The following KCNH1 variants were observed in gnomAD, a reference collection of about 807,000 sequenced individuals.
KCNH1 encodes the protein potassium voltage-gated channel subfamily H member 1.
In KCNH1, 27 loss-of-function variants were observed where a neutral mutation model predicts 69.2. That is an observed-to-expected ratio of 0.39 (90% confidence interval 0.29 to 0.54). The LOEUF (loss-of-function observed/expected upper bound fraction) is 0.54, where lower values mean the gene tolerates loss of function less well. KCNH1 is among the 20% of genes least tolerant of loss of function. The pLI, the probability that KCNH1 is intolerant of heterozygous loss-of-function variation, is 0.68. For missense variants in KCNH1, 798 were observed against 1,261.6 expected (o/e 0.63, Z 5.57); for synonymous variants, 456 against 487.7 (o/e 0.93, Z 0.86).
At chr1:210,921,812 C>T (rs1687464751) in intron 6 of KCNH1, among the ~76,000 whole-genome samples, 1 of 152,158 alleles carries the variant, frequency 6.6e-6, no homozygotes, top group Non-Finnish European at 1.5e-5. Flanking sequence ...CCCGGAAGGA[C>T]TATGTGGAAC....
At chr1:210,933,442 A>G (rs1687717170) in intron 6 of KCNH1, among the ~76,000 whole-genome samples, 2 of 152,136 alleles carry the variant, frequency 1.3e-5, no homozygotes, top group Admixed American at 1.3e-4. Context: ...GCAGCACACC[A>G]GCATGGCACA....
intron 10 of KCNH1, among the ~76,000 whole-genome samples, chr1:210,692,743 G>A (rs61829465): frequency 0.048 from 7,239 of 152,160 alleles, 255 homozygotes; most frequent in Non-Finnish European, 0.073. Context: ...ACAAGCCAAG[G>A]AATGCCAAGG....
chr1:210,804,093 G>A lies in KCNH1; in HGVS notation c.1536C>T (p.Tyr512=), dbSNP rs771173680. The part of the protein sequence containing the change: ...FQQMYANTNR[Y]HEMLNSVRDF... ...CCCGAACACTGTTGAGCATCTCATG[G>A]TATCTGTTGGTGTTGGCATACATCT... Residue 512 remains tyrosine (Y), a synonymous_variant, in exon 8 of 11, where the codon TAC becomes TAT. Transcript: ENST00000271751. The A allele has an allele frequency of 1.9e-6, 3 of 1,614,144 alleles. No homozygotes were observed. The highest frequency in any genetic ancestry group is 2.5e-6 in the Non-Finnish European group (3 of 1,180,008).
At chr1:211,065,822 G>A (rs992290002) in intron 5 of KCNH1, among the ~76,000 whole-genome samples, 4 of 152,102 alleles carry the variant, frequency 2.6e-5, no homozygotes, top group African/African-American at 7.2e-5. Context: ...AACTTTAGGA[G>A]GCTGAGGTAG....
chr1:210,988,536 T>A (rs1381202622), intron 6 of KCNH1, among the ~76,000 whole-genome samples: 1 of 152,220 alleles, frequency 6.6e-6, no homozygotes, highest in African/African-American at 2.4e-5. Flanking sequence ...ATGCCATGTC[T>A]ATTGCAATAA....
At chr1:210,953,230 G>A (rs1206883767) in intron 6 of KCNH1, among the ~76,000 whole-genome samples, 3 of 152,048 alleles carry the variant, frequency 2.0e-5, no homozygotes, top group Non-Finnish European at 2.9e-5. Context: ...ACTCTATCAC[G>A]TGAATATAAA....
chr1:210,973,103 T>C (rs953538407), intron 6 of KCNH1, among the ~76,000 whole-genome samples: 1 of 152,052 alleles, frequency 6.6e-6, no homozygotes, highest in Non-Finnish European at 1.5e-5. Flanking sequence ...ATGATTCCCA[T>C]AGCTACCCTT....
At position 210,681,693 on chromosome 1, in the gene KCNH1, G is replaced by A. The variant is rs1435562425; in HGVS notation, c.*1588C>T. The stretch of plus-strand genomic sequence containing the variant: ...TTGGTAGGGCAGAGGTACCAGGAAT[G>A]GGGTCACCGTCTAACACAGGCAAAG... On this transcript the variant is annotated 3_prime_UTR_variant, in exon 11 of 11. Transcript: ENST00000271751. The A allele has an allele frequency of 2.0e-5, 3 of 152,348 alleles. No individual in the cohort carries two copies. The highest frequency in any genetic ancestry group is 2.0e-4 in the Admixed American group (3 of 15,276). The allele number at this position is 152,348 out of a possible 1,614,324, so 9.4% of individuals were successfully genotyped here. A position where few individuals can be genotyped will look rare whatever the true frequency, so the allele number is the denominator to read the frequency against.
At chr1:211,086,278 C>T (rs1690950836) in intron 4 of KCNH1, among the ~76,000 whole-genome samples, 2 of 152,192 alleles carry the variant, frequency 1.3e-5, no homozygotes, top group South Asian at 2.1e-4. Flanking sequence ...CACAAACTCT[C>T]TTCAGTTTCA....
At chr1:210,807,843 G>A (rs1397614887) in intron 7 of KCNH1, among the ~76,000 whole-genome samples, 3 of 151,926 alleles carry the variant, frequency 2.0e-5, no homozygotes, top group African/African-American at 7.3e-5. Flanking sequence ...ACATACTATG[G>A]GAGGCAAAAA....
At chr1:211,032,364 C>T (rs957879025) in intron 5 of KCNH1, among the ~76,000 whole-genome samples, 1 of 152,232 alleles carries the variant, frequency 6.6e-6, no homozygotes, top group Non-Finnish European at 1.5e-5. Context: ...TCAATGCCAT[C>T]CCCATCAAGC....
intron 5 of KCNH1, among the ~76,000 whole-genome samples, chr1:211,038,085 G>A (rs573321292): frequency 3.0e-4 from 44 of 148,664 alleles, no homozygotes; most frequent in Middle Eastern, 3.6e-3. Context: ...TCAGCCTCCC[G>A]AGTAGCTGGG....
intron 10 of KCNH1, among the ~76,000 whole-genome samples, chr1:210,707,487 T>C (rs890432072): frequency 6.6e-6 from 1 of 152,194 alleles, no homozygotes; most frequent in Non-Finnish European, 1.5e-5. Flanking sequence ...ACCCAAGCCA[T>C]GCTCTGCTGT....
Position 211,006,766 on chromosome 1 carries a change from A to T in KCNH1, c.1032+12017T>A, listed in dbSNP as rs866818578. Among the ~76,000 whole-genome samples, 6 of 152,288 alleles carry T rather than the reference A, an allele frequency of 3.9e-5. No individual in the cohort carries two copies. The South Asian group carries it at 6.2e-4, about 16-fold the overall frequency. ...GATAAAAAAGTTAAAAAAAGGAAAA[A>T]CCTAAATGCCAAATTTTGATATGTC... On this transcript the variant is annotated intron_variant, in intron 6 of 10. Transcript: ENST00000271751.
At position 211,054,118 on chromosome 1, in the gene KCNH1, C is replaced by CA. The variant is rs57400570; in HGVS notation, c.558+28661dup. On this transcript the variant is annotated intron_variant, in intron 5 of 10. Transcript: ENST00000271751. ...AACCCCACCTCTACTAAAAATAATA[C>CA]AAAAAAAAAAAAAATTAGCTGGGCG... Among the ~76,000 whole-genome samples the CA allele has an allele frequency of 5.7e-3, 753 of 131,786 alleles. 3 individuals are homozygous for CA. Among genetic ancestry groups the CA allele is most frequent in the African/African-American group, 0.011 (400 of 36,806 alleles). 86.5% of individuals were successfully genotyped at this position (131,786 alleles called of 152,430 possible).
chr1:211,014,333 A>G (rs1689453895), intron 6 of KCNH1, among the ~76,000 whole-genome samples: 1 of 152,226 alleles, frequency 6.6e-6, no homozygotes, highest in South Asian at 2.1e-4. Context: ...TCTAAGCTTT[A>G]GTTCGCTCTG....
At chr1:211,049,258 G>C (rs1051545888) in intron 5 of KCNH1, among the ~76,000 whole-genome samples, 2 of 152,120 alleles carry the variant, frequency 1.3e-5, no homozygotes, top group African/African-American at 4.8e-5. Flanking sequence ...TAACAACAAG[G>C]GAAAAGAGAA....
rs549301344 is a variant in KCNH1 at position 211,019,230 on chromosome 1, A to G, written c.585T>C (p.Leu195=). 1.9e-6 allele frequency: 3 copies of G among 1,609,764 alleles called. No homozygotes were observed. The South Asian group carries it at 3.3e-5, about 18-fold the overall frequency. ...TTGGTGCCTCTTGCTTGTACTGGGG[A>G]AGGATGTCTGAGCCCAGCTGTAGGA... The part of the protein sequence containing the change: ...AEVLQLGSDI[L]PQYKQEAPKT... The change falls in exon 6 of 11, where the codon CTT becomes CTC. Residue 195 remains leucine (L), a synonymous_variant. Coordinates refer to ENST00000271751, the MANE Select transcript of KCNH1 (RefSeq NM_172362.3).
chr1:211,110,642 A>G (rs1446316711), intron 1 of KCNH1, among the ~76,000 whole-genome samples: 1 of 152,182 alleles, frequency 6.6e-6, no homozygotes, highest in Non-Finnish European at 1.5e-5. Context: ...GATGCTAAAA[A>G]TACAGGTGAT....
Sources: allele counts gnomAD v4.1 joint callset (sites outside exome capture counted in the v4.1 genomes callset), GRCh38; gene constraint gnomAD v4.1.1; transcripts MANE v1.5; gene names NCBI Gene and HGNC (gene_info 2026-07-23, HGNC 2026-07-21).